The following AP3B1 variants were observed in gnomAD, a reference collection of about 807,000 sequenced individuals.
AP3B1 encodes AP-3 complex subunit beta-1.
AP3B1 carries 61 observed loss-of-function variants against 132.5 expected under a neutral mutation model. That is an observed-to-expected ratio of 0.46 (90% CI 0.37 to 0.57). AP3B1 has a LOEUF of 0.57. Ranked by LOEUF, AP3B1 falls within the 20% of genes least tolerant of loss-of-function variation. AP3B1 has a pLI of 0.00. For synonymous variants in AP3B1, 388 were observed against 438.3 expected (o/e 0.89, Z 1.43); for missense variants, 1,120 against 1,289.4 (o/e 0.87, Z 2.01).
chr5:78,181,229 C>T (rs1292616171), intron 8 of AP3B1, among the ~76,000 whole-genome samples: 2 of 151,992 alleles, frequency 1.3e-5, no homozygotes, highest in African/African-American at 2.4e-5. Context: ...AAATGAAGTC[C>T]AATAGGCCAA....
chr5:78,129,195 C>T lies in AP3B1; in HGVS notation c.1763G>A (p.Gly588Glu). The T allele has an allele frequency of 6.2e-7, 1 of 1,613,208 alleles. No homozygotes were observed. Among genetic ancestry groups the T allele is most frequent in the Non-Finnish European group, 8.5e-7 (1 of 1,179,392 alleles). ...TTTTTTGGCATATTTACTTAAAGCT[C>T]CACTCTTTACATTCGGAACAATAAG... is the stretch of plus-strand genomic sequence containing the variant. The part of the protein sequence containing the change: ...RQLIVPNVKS[G>E]ALSKYAKKIF... The change falls in exon 16 of 27, where the codon GGA (glycine) becomes GAA (glutamate). Residue 588 changes from glycine to glutamate, a missense_variant. Transcript: ENST00000255194.
chr5:78,268,743 A>G (rs1033567244), intron 1 of AP3B1, among the ~76,000 whole-genome samples: 1 of 152,186 alleles, frequency 6.6e-6, no homozygotes, highest in South Asian at 2.1e-4. Context: ...TCTCAATATT[A>G]AAGATAAAGG....
At chr5:78,111,357 G>C (rs1313364032) in intron 19 of AP3B1, among the ~76,000 whole-genome samples, 1 of 152,136 alleles carries the variant, frequency 6.6e-6, no homozygotes, top group Non-Finnish European at 1.5e-5. Context: ...TTGGCATTAT[G>C]CTAGGTGCTA....
intron 22 of AP3B1, among the ~76,000 whole-genome samples, chr5:78,066,618 A>G (rs568671734): frequency 6.6e-6 from 1 of 152,210 alleles, no homozygotes; most frequent in Non-Finnish European, 1.5e-5. Flanking sequence ...AAATTAGAGA[A>G]AAATGAATGA....
At chr5:78,185,269 G>C (rs1269568900) in intron 7 of AP3B1, among the ~76,000 whole-genome samples, 1 of 152,122 alleles carries the variant, frequency 6.6e-6, no homozygotes, top group African/African-American at 2.4e-5. Context: ...TCAAACATCT[G>C]GAAGGAAGAA....
At chr5:78,197,181 T>G (rs191432175) in intron 7 of AP3B1, among the ~76,000 whole-genome samples, 95 of 151,356 alleles carry the variant, frequency 6.3e-4, no homozygotes, top group African/African-American at 2.2e-3. Flanking sequence ...AAAATAAAGC[T>G]TATTTTTATT....
chr5:78,273,319 T>C (rs983097374), intron 1 of AP3B1, among the ~76,000 whole-genome samples: 1 of 152,086 alleles, frequency 6.6e-6, no homozygotes, highest in Non-Finnish European at 1.5e-5. Context: ...GGGAGAATCT[T>C]GAGCACAAGA....
Position 78,181,662 on chromosome 5 carries a change from C to A in AP3B1, c.787G>T (p.Gly263Cys), listed in dbSNP as rs1044368703. The change falls in exon 8 of 27, where the codon GGT becomes TGT. Residue 263 changes from glycine to cysteine, a missense_variant and splice_region_variant. By Grantham distance (159) the Gly-to-Cys change is radical. Around this residue, in one of 3 missense-constraint regions of AP3B1, gnomAD observed 906 missense variants for 997.1 expected, o/e 0.91. Transcript: ENST00000255194. ...RTQFVSPWKE[G>C]DELEDNGKNF... ...TTTCCATTGTCTTCTAATTCATCAC[C>A]CTACAATGAAAGAAATCCAACCCAA... 4 of 1,610,976 alleles carry A rather than the reference C, an allele frequency of 2.5e-6. No individual in the cohort carries two copies. Among genetic ancestry groups the A allele is most frequent in the Non-Finnish European group, 3.4e-6 (4 of 1,179,202 alleles).
intron 12 of AP3B1, among the ~76,000 whole-genome samples, chr5:78,164,095 A>G (rs1743510510): frequency 6.6e-6 from 1 of 152,116 alleles, no homozygotes; most frequent in South Asian, 2.1e-4. Flanking sequence ...TCCTAGTTCC[A>G]TGAAGGCAAG....
intron 14 of AP3B1, among the ~76,000 whole-genome samples, chr5:78,149,075 C>T (rs1753537394): frequency 6.6e-6 from 1 of 152,122 alleles, no homozygotes; most frequent in Non-Finnish European, 1.5e-5. Flanking sequence ...TTGATCATGT[C>T]ACTCTAATTC....
At chr5:78,045,380 CAAAAAAA>C (rs71608139) in intron 22 of AP3B1, among the ~76,000 whole-genome samples, 78 of 63,928 alleles carry the variant, frequency 1.2e-3, no homozygotes, top group Non-Finnish European at 1.9e-3. Context: ...GGCTCTGTCT[CAAAAAAA>C]AAAAAAAAAA....
chr5:78,098,966 C>T (rs770194159), intron 21 of AP3B1, among the ~76,000 whole-genome samples: 57 of 152,182 alleles, frequency 3.7e-4, no homozygotes, highest in Non-Finnish European at 8.8e-5. Context: ...ACATTTATGT[C>T]CCTCCAAAAT....
intron 1 of AP3B1, among the ~76,000 whole-genome samples, chr5:78,281,232 C>G (rs1350477193): frequency 6.6e-6 from 1 of 151,940 alleles, no homozygotes; most frequent in South Asian, 2.1e-4. Context: ...GTCAGCAGCT[C>G]GAGACCATCC....
intron 22 of AP3B1, among the ~76,000 whole-genome samples, chr5:78,067,952 C>T (rs115837766): frequency 2.4e-5 from 3 of 126,524 alleles, no homozygotes; most frequent in East Asian, 2.0e-4. Flanking sequence ...AAAAACCCTT[C>T]GAAAAAAAAA....
At chr5:78,152,956 A>G (rs1753733448) in intron 14 of AP3B1, among the ~76,000 whole-genome samples, 1 of 152,188 alleles carries the variant, frequency 6.6e-6, no homozygotes, top group Admixed American at 6.5e-5. Context: ...GTGACCTAAC[A>G]TATGCTCTAT....
chr5:78,081,299 C>CTTTT (rs1749989497), intron 22 of AP3B1, among the ~76,000 whole-genome samples: 1 of 137,412 alleles, frequency 7.3e-6, no homozygotes, highest in African/African-American at 2.9e-5. Context: ...AGCATTACTT[C>CTTTT]ATTTTTTTTT....
At chr5:78,200,695 T>C (rs1417916424) in intron 7 of AP3B1, among the ~76,000 whole-genome samples, 1 of 152,120 alleles carries the variant, frequency 6.6e-6, no homozygotes, top group African/African-American at 2.4e-5. Flanking sequence ...TTTATTAGAA[T>C]ACCACTAAGA....
At chr5:78,275,625 G>A (rs934168111) in intron 1 of AP3B1, among the ~76,000 whole-genome samples, 18 of 152,002 alleles carry the variant, frequency 1.2e-4, no homozygotes, top group African/African-American at 2.7e-4. Context: ...ATAGGCACGC[G>A]CCACCACACC....
chr5:78,227,840 A>G (rs561684536), intron 4 of AP3B1, among the ~76,000 whole-genome samples: 1 of 152,316 alleles, frequency 6.6e-6, no homozygotes, highest in South Asian at 2.1e-4. Flanking sequence ...TCATGTTTAA[A>G]AATGTCTTAT....
Sources: allele counts gnomAD v4.1 joint callset (sites outside exome capture counted in the v4.1 genomes callset), GRCh38; gene constraint gnomAD v4.1.1; regional missense constraint gnomAD v4.1.1; transcripts MANE v1.5; gene names NCBI Gene and HGNC (gene_info 2026-07-23, HGNC 2026-07-21).